PIKFYVE: variants seen among roughly 807,000 people sequenced by gnomAD.
PIKFYVE encodes the protein phosphoinositide kinase, FYVE-type zinc finger containing.
In PIKFYVE, 122 loss-of-function variants were observed where a neutral mutation model predicts 257.9. That is an observed-to-expected ratio of 0.47 (90% CI 0.41 to 0.55). The LOEUF (loss-of-function observed/expected upper bound fraction) is 0.55, where lower values mean the gene tolerates loss of function less well. PIKFYVE is among the 20% of genes least tolerant of loss of function. The pLI, the probability that PIKFYVE is intolerant of heterozygous loss-of-function variation, is 0.00. For synonymous variants in PIKFYVE, 892 were observed against 868.9 expected, an observed-to-expected ratio of 1.03 and a Z score of -0.47; for missense variants, 2,160 against 2,536.6, an observed-to-expected ratio of 0.85 and a Z score of 3.19.
chr2:208,301,149 A>G lies in PIKFYVE; in HGVS notation c.1208+55A>G, dbSNP rs142358462. Reference sequence around the variant, plus strand: ...ATTTGTTTATTTTGAATGAGAAAACATATTTGAAGATAGTAAGAGTTACAG... The same window carrying G: ...ATTTGTTTATTTTGAATGAGAAAACGTATTTGAAGATAGTAAGAGTTACAG... On this transcript the variant is annotated intron_variant, in intron 9 of 41. Coordinates refer to ENST00000264380, the MANE Select transcript of PIKFYVE (RefSeq NM_015040.4). The G allele has an allele frequency of 1.5e-3, 2,361 of 1,586,858 alleles. 32 individuals are homozygous for G. In the African/African-American group the frequency reaches 0.028, roughly 19 times the overall value.
chr2:208,270,379 T>C (rs1318255301), intron 1 of PIKFYVE, among the ~76,000 whole-genome samples: 2 of 152,162 alleles, frequency 1.3e-5, no homozygotes, highest in Admixed American at 6.5e-5. Flanking sequence ...TTATCCATGG[T>C]TCTTCTCTTT....
intron 32 of PIKFYVE, among the ~76,000 whole-genome samples, chr2:208,343,120 C>G (rs1698878814): frequency 6.6e-6 from 1 of 152,122 alleles, no homozygotes; most frequent in Non-Finnish European, 1.5e-5. Flanking sequence ...GCATAAAAAT[C>G]TTCTCTGAAC....
At chr2:208,341,675 G>C (rs1234993580) in intron 31 of PIKFYVE, among the ~76,000 whole-genome samples, 2 of 152,162 alleles carry the variant, frequency 1.3e-5, no homozygotes, top group Non-Finnish European at 2.9e-5. Context: ...GTGGTGGAAG[G>C]AGGCTGAGAG....
Position 208,336,819 on chromosome 2 carries a change from T to TA in PIKFYVE, c.4521-19_4521-18insA. ...AGAAACAAACCATATATATATATAT[T>TA]TTTTGCTTTTGGCCACAGGTTGCAG... On this transcript the variant is annotated intron_variant, in intron 27 of 41. Coordinates refer to ENST00000264380, the MANE Select transcript of PIKFYVE (RefSeq NM_015040.4). The TA allele has an allele frequency of 6.7e-7, 1 of 1,497,800 alleles. No homozygotes were observed. Among genetic ancestry groups the TA allele is most frequent in the Non-Finnish European group, 9.3e-7 (1 of 1,077,750 alleles). The allele number at this position is 1,497,800 out of a possible 1,614,324, so 92.8% of individuals were successfully genotyped here. A position where few individuals can be genotyped will look rare whatever the true frequency, so the allele number is the denominator to read the frequency against.
chr2:208,317,795 A>G, intron 15 of PIKFYVE, 72 bp from the exon 16 acceptor site: 1 of 1,362,828 alleles, frequency 7.3e-7, no homozygotes, highest in Non-Finnish European at 1.1e-6. Context: ...GGAAAGAAAT[A>G]ATAGCGTACA....
chr2:208,284,628 T>G (rs1230650781), intron 5 of PIKFYVE, among the ~76,000 whole-genome samples: 1 of 152,116 alleles, frequency 6.6e-6, no homozygotes, highest in Non-Finnish European at 1.5e-5. Flanking sequence ...TGTAAGCCCA[T>G]TTTCTGTTAG....
intron 2 of PIKFYVE, among the ~76,000 whole-genome samples, chr2:208,272,140 C>T (rs1214834848): frequency 2.6e-5 from 4 of 151,808 alleles, no homozygotes; most frequent in Non-Finnish European, 4.4e-5. Context: ...GAGGCTGAGG[C>T]AGGAGAATGG....
chr2:208,293,082 C>CTTTTTTTTTTTT (rs60283252), intron 7 of PIKFYVE, among the ~76,000 whole-genome samples: 1 of 137,606 alleles, frequency 7.3e-6, no homozygotes, highest in Non-Finnish European at 1.5e-5. Flanking sequence ...GAGTTACATT[C>CTTTTTTTTTTTT]TTTTTTTTTT....
chr2:208,284,596 T>A (rs1691300529), intron 5 of PIKFYVE, among the ~76,000 whole-genome samples: 1 of 151,830 alleles, frequency 6.6e-6, no homozygotes, highest in Non-Finnish European at 1.5e-5. Flanking sequence ...TTATAGTTTT[T>A]ACTCTCATAT....
intron 5 of PIKFYVE, among the ~76,000 whole-genome samples, chr2:208,280,968 T>G (rs1690729987): frequency 1.3e-5 from 2 of 152,202 alleles, no homozygotes; most frequent in Admixed American, 1.3e-4. Context: ...CCTGCCACCC[T>G]GGGATCCAGT....
Position 208,304,294 on chromosome 2 carries a change from GA to G in PIKFYVE, c.1446del (p.Glu483LysfsTer35). On this transcript the variant is annotated frameshift_variant, in exon 11 of 42. Coordinates refer to ENST00000264380, the MANE Select transcript of PIKFYVE (RefSeq NM_015040.4). LOFTEE classifies it high-confidence loss of function. ...TGACAGTGACACAGAACAGATAGCT[GA>G]AGAAGGTGACGATAATTTGGCTAGT... is the stretch of plus-strand genomic sequence containing the variant. ...FDDSDTEQIA[E>X]EGDDNLANSA... 1.2e-6 allele frequency: 2 copies of G among 1,614,146 alleles called. No homozygotes were observed. The highest frequency in any genetic ancestry group is 1.7e-6 in the Non-Finnish European group (2 of 1,180,004).
chr2:208,317,972 A>G, intron 16 of PIKFYVE, 31 bp downstream of exon 16: 2 of 1,467,674 alleles, frequency 1.4e-6, no homozygotes, highest in Admixed American at 3.4e-5. Flanking sequence ...AGTGAAGTTC[A>G]GCAAACCATG....
chr2:208,283,051 C>G (rs1266184460), intron 5 of PIKFYVE, among the ~76,000 whole-genome samples: 1 of 152,136 alleles, frequency 6.6e-6, no homozygotes, highest in African/African-American at 2.4e-5. Context: ...GCTCGCCACT[C>G]ACCTCCTGCT....
At position 208,278,288 on chromosome 2, in the gene PIKFYVE, C is replaced by T. The variant is rs1690363914; in HGVS notation, c.613+580C>T. ...TTTGTTATTGTGAAGATCTTTCTGT[C>T]TGCTCATTTTTTTTTCCACCTAAAC... On this transcript the variant is annotated intron_variant, in intron 5 of 41. Transcript: ENST00000264380. Among the ~76,000 whole-genome samples, 3 of 25,606 alleles carry T rather than the reference C, an allele frequency of 1.2e-4. No homozygotes were observed. The South Asian group carries it at 9.2e-3, about 79-fold the overall frequency. The allele number at this position is 25,606 out of a possible 152,430, so 16.8% of individuals were successfully genotyped here.
rs1690288849 is a variant in PIKFYVE at position 208,277,722 on chromosome 2, A to G, written c.613+14A>G. The G allele has an allele frequency of 1.2e-6, 2 of 1,612,704 alleles. No homozygotes were observed. The highest frequency in any genetic ancestry group is 1.7e-6 in the Non-Finnish European group (2 of 1,178,862). The stretch of plus-strand genomic sequence containing the variant: ...TGGGCTATACAGGTAAATGCATTTT[A>G]TTGCCAGTTTACAATTTTTAAAGGT... On this transcript the variant is annotated intron_variant, in intron 5 of 41. Coordinates refer to ENST00000264380, the MANE Select transcript of PIKFYVE (RefSeq NM_015040.4).
intron 5 of PIKFYVE, 82 bp downstream of exon 5, chr2:208,277,790 A>G (rs917302096): frequency 1.1e-5 from 16 of 1,491,624 alleles, no homozygotes; most frequent in African/African-American, 8.3e-5. Flanking sequence ...TGTTAAGCCA[A>G]TTTTCATTTT....
chr2:208,332,205 T>C (rs1697624923), intron 23 of PIKFYVE, among the ~76,000 whole-genome samples: 1 of 152,104 alleles, frequency 6.6e-6, no homozygotes, highest in African/African-American at 2.4e-5. Flanking sequence ...ACTAAACAAA[T>C]AAATAAATGT....
chr2:208,301,170 TAC>T (rs1693632477), intron 9 of PIKFYVE, 76 bp downstream of exon 9: 1 of 1,558,270 alleles, frequency 6.4e-7, no homozygotes, highest in African/African-American at 1.4e-5. Flanking sequence ...TAGTAAGAGT[TAC>T]AGATTTCTTT....
In PIKFYVE at chr2:208,335,882, A is replaced by G. The variant is rs761401654; in HGVS notation, c.4346A>G (p.Asp1449Gly). The G allele has an allele frequency of 1.2e-6, 2 of 1,610,346 alleles. No homozygotes were observed. The highest frequency in any genetic ancestry group is 2.2e-5 in the East Asian group (1 of 44,782). The change falls in exon 26 of 42, where the codon GAT becomes GGT. Residue 1449 changes from aspartate to glycine, a missense_variant. Physicochemically the swap from Asp to Gly is moderately conservative, Grantham distance 94. This residue lies in a region of PIKFYVE where 699 missense variants were observed against 855.8 expected (regional missense o/e 0.82). Transcript: ENST00000264380. ...FSKTREEKME[D>G]IFAQKEMEEG... ...AAAACAAGAGAGGAAAAAATGGAAG[A>G]TATTTTTGCACAGAAAGAGGTAATT...
Sources: allele counts gnomAD v4.1 joint callset (sites outside exome capture counted in the v4.1 genomes callset), GRCh38; gene constraint gnomAD v4.1.1; regional missense constraint gnomAD v4.1.1; transcripts MANE v1.5; gene names NCBI Gene and HGNC (gene_info 2026-07-23, HGNC 2026-07-21).